Variants in TMEM181 observed in about 807,000 individuals in gnomAD.
TMEM181 encodes the protein G protein-coupled receptor 178.
Under a neutral mutation model 71.9 loss-of-function variants are expected in TMEM181, and 39 were observed. That is an observed-to-expected ratio of 0.54 (90% CI 0.42 to 0.71). The LOEUF (loss-of-function observed/expected upper bound fraction) is 0.71, where lower values mean the gene tolerates loss of function less well. Ranked by LOEUF, TMEM181 falls within the 30% of genes least tolerant of loss-of-function variation. The pLI is 0.00. For missense variants in TMEM181, 595 were observed against 583.0 expected, an observed-to-expected ratio of 1.02 and a Z score of -0.21; for synonymous variants, 245 against 228.8, an observed-to-expected ratio of 1.07 and a Z score of -0.64.
intron 6 of TMEM181, among the ~76,000 whole-genome samples, chr6:158,593,873 G>A (rs566946167): frequency 4.6e-5 from 7 of 152,044 alleles, no homozygotes; most frequent in Admixed American, 1.3e-4. Context: ...GCACCAAAGT[G>A]GTACATTTGT....
chr6:158,537,496 G>C (rs897472915), intron 1 of TMEM181, among the ~76,000 whole-genome samples: 1 of 152,220 alleles, frequency 6.6e-6, no homozygotes, highest in Non-Finnish European at 1.5e-5. Context: ...GCCTAGGGGA[G>C]AGCGGTGGGG....
chr6:158,554,866 A>G lies in TMEM181; in HGVS notation c.131+18001A>G, dbSNP rs184921740. 3.3e-5 allele frequency among the ~76,000 whole-genome samples: 5 copies of G among 152,330 alleles called. 1 individual carries two copies. The highest frequency in any genetic ancestry group is 1.2e-4 in the African/African-American group (5 of 41,580). ...AAATTGTATTATTGACAAAGTTGAA[A>G]CCTGTTCACATGTCTGAACTTTATT... On this transcript the variant is annotated intron_variant, in intron 1 of 16. Transcript: ENST00000367090.
chr6:158,537,752 C>T (rs1279136302), intron 1 of TMEM181, among the ~76,000 whole-genome samples: 1 of 152,198 alleles, frequency 6.6e-6, no homozygotes, highest in Non-Finnish European at 1.5e-5. Flanking sequence ...TTTACTCACT[C>T]TGTGCTAAGG....
intron 6 of TMEM181, among the ~76,000 whole-genome samples, chr6:158,592,443 G>A (rs1784158429): frequency 6.6e-6 from 1 of 151,566 alleles, no homozygotes; most frequent in Non-Finnish European, 1.5e-5. Flanking sequence ...CCAGGAGTTC[G>A]AGACCAGCCT....
chr6:158,550,285 T>C (rs1277141717), intron 1 of TMEM181, among the ~76,000 whole-genome samples: 1 of 151,684 alleles, frequency 6.6e-6, no homozygotes, highest in Admixed American at 6.6e-5. Context: ...CCTCAGGTGA[T>C]CTGCCCGCCA....
At chr6:158,605,162 G>GTGTGTGTGTA (rs1416715788) in intron 6 of TMEM181, 105 bp from the exon 7 acceptor site, 2 of 668,768 alleles carry the variant, frequency 3.0e-6, no homozygotes, top group Non-Finnish European at 5.3e-6. Flanking sequence ...GTGTGTGTAT[G>GTGTGTGTGTA]TGTATATATT....
intron 6 of TMEM181, among the ~76,000 whole-genome samples, 169 bp downstream of exon 6, chr6:158,589,951 A>G (rs1262890040): frequency 1.3e-5 from 2 of 152,210 alleles, no homozygotes; most frequent in Non-Finnish European, 2.9e-5. Flanking sequence ...AGTATATAGA[A>G]CTAAGAATAG....
chr6:158,626,445 A>G, intron 13 of TMEM181: 1 of 456,670 alleles, frequency 2.2e-6, no homozygotes, highest in Non-Finnish European at 4.4e-6. Context: ...TTTGGATGGC[A>G]AATAAGCGGA....
intron 10 of TMEM181, among the ~76,000 whole-genome samples, chr6:158,617,450 A>G (rs1189405068): frequency 2.1e-5 from 3 of 143,338 alleles, no homozygotes; most frequent in African/African-American, 7.5e-5. Flanking sequence ...GATTTTTTTG[A>G]AGGGTTTTTT....
chr6:158,601,551 G>A (rs921166513), intron 6 of TMEM181, among the ~76,000 whole-genome samples: 1 of 152,014 alleles, frequency 6.6e-6, no homozygotes, highest in African/African-American at 2.4e-5. Flanking sequence ...ACAAGGTCAG[G>A]AGTTCAAGAC....
At chr6:158,591,921 C>T (rs1784132741) in intron 6 of TMEM181, among the ~76,000 whole-genome samples, 1 of 152,166 alleles carries the variant, frequency 6.6e-6, no homozygotes, top group Non-Finnish European at 1.5e-5. Context: ...GAACTAGGTA[C>T]ATGCCATTCT....
intron 1 of TMEM181, among the ~76,000 whole-genome samples, chr6:158,572,676 C>A (rs971839591): frequency 1.3e-5 from 2 of 152,204 alleles, no homozygotes; most frequent in African/African-American, 4.8e-5. Flanking sequence ...GCCCTTGATA[C>A]AGGATGTTCT....
At chr6:158,560,305 TC>T in intron 1 of TMEM181, 73 bp downstream of exon 1, 1 of 985,102 alleles carries the variant, frequency 1.0e-6, no homozygotes, top group African/African-American at 1.7e-5. Flanking sequence ...GATCCCTGGC[TC>T]CCGGCGCCGT....
intron 1 of TMEM181, among the ~76,000 whole-genome samples, chr6:158,542,206 C>T (rs1781380155): frequency 6.6e-6 from 1 of 152,158 alleles, no homozygotes; most frequent in Non-Finnish European, 1.5e-5. Context: ...TGCACCCGGC[C>T]TAGATATTCT....
At chr6:158,557,372 A>G (rs1781933610), upstream of TMEM181, among the ~76,000 whole-genome samples, 1 of 152,150 alleles carries the variant, frequency 6.6e-6, no homozygotes, top group African/African-American at 2.4e-5. Context: ...TCTGTCTCAA[A>G]AACAAACAGG....
At chr6:158,603,319 T>C (rs1784772425) in intron 6 of TMEM181, among the ~76,000 whole-genome samples, 1 of 151,602 alleles carries the variant, frequency 6.6e-6, no homozygotes, top group Non-Finnish European at 1.5e-5. Flanking sequence ...GGGCATTTCA[T>C]TTATCATTAG....
In TMEM181 at chr6:158,634,483, G is replaced by A. The variant is rs372409002; in HGVS notation, c.*2595G>A. 9 of 152,276 alleles carry A rather than the reference G, an allele frequency of 5.9e-5. No homozygotes were observed. Among genetic ancestry groups the A allele is most frequent in the African/African-American group, 2.2e-4 (9 of 41,546 alleles). The allele number at this position is 152,276 out of a possible 1,614,324, so 9.4% of individuals were successfully genotyped here. A position where few individuals can be genotyped will look rare whatever the true frequency, so the allele number is the denominator to read the frequency against. On this transcript the variant is annotated 3_prime_UTR_variant, in exon 17 of 17. Coordinates refer to ENST00000684151, the MANE Select transcript of TMEM181 (RefSeq NM_001376852.1). ...ATGGCTTGAGTAACATCATCTTTGG[G>A]ATTTTTTAAATACTGGTCCAGTCTA...
At chr6:158,588,675 T>G (rs547414626) in intron 5 of TMEM181, among the ~76,000 whole-genome samples, 224 of 152,342 alleles carry the variant, frequency 1.5e-3, no homozygotes, top group Non-Finnish European at 2.7e-3. Context: ...GGTCTTGAAC[T>G]AGCCTCAAGT....
At chr6:158,594,285 G>A (rs556052485) in intron 6 of TMEM181, among the ~76,000 whole-genome samples, 6 of 151,934 alleles carry the variant, frequency 3.9e-5, no homozygotes, top group African/African-American at 1.4e-4. Flanking sequence ...TTTTAGTAGA[G>A]ACGGGGTTTC....
Sources: gnomAD v4.1 joint callset for allele counts (sites outside exome capture counted in the v4.1 genomes callset) on GRCh38, gnomAD v4.1.1 for gene constraint, MANE v1.5 for transcripts, NCBI Gene and HGNC (gene_info 2026-07-23, HGNC 2026-07-21) for gene names.